Variants in FRMPD4 observed in about 807,000 individuals in gnomAD.
The protein encoded by FRMPD4 is FERM and PDZ domain-containing protein 4.
In FRMPD4, 22 loss-of-function variants were observed where a neutral mutation model predicts 94.1. That is an observed-to-expected ratio of 0.23 (90% CI 0.17 to 0.33). The LOEUF (loss-of-function observed/expected upper bound fraction) is 0.33. FRMPD4 is among the 10% of genes least tolerant of loss of function. The pLI is 1.00. For synonymous variants in FRMPD4, 631 were observed against 548.6 expected, an observed-to-expected ratio of 1.15 and a Z score of -2.10; for missense variants, 1,111 against 1,339.9, an observed-to-expected ratio of 0.83 and a Z score of 2.67.
At chrX:12,188,450 T>C (rs1437036168) in intron 1 of FRMPD4, among the ~76,000 whole-genome samples, 1 of 111,882 alleles carries the variant, frequency 8.9e-6, no homozygotes, top group Non-Finnish European at 1.9e-5. Context: ...GTCATTGCTA[T>C]TGTTGTTATT....
At chrX:12,139,096 G>A in intron 1 of FRMPD4, 84 bp downstream of exon 1, 2 of 812,276 alleles carry the variant, frequency 2.5e-6, no homozygotes, top group Non-Finnish European at 1.7e-6. Flanking sequence ...GCTGGGTAGA[G>A]GCAAAAGCTG....
chrX:12,490,942 A>G, intron 1 of FRMPD4, among the ~76,000 whole-genome samples: 1 of 111,330 alleles, frequency 9.0e-6, no homozygotes. Flanking sequence ...TGGTTGTGCC[A>G]TGTTTTATAC....
At chrX:12,362,541 T>G (rs889115349) in intron 1 of FRMPD4, among the ~76,000 whole-genome samples, 2 of 111,811 alleles carry the variant, frequency 1.8e-5, no homozygotes, top group Non-Finnish European at 3.8e-5. Flanking sequence ...GAACTCATCA[T>G]TTTTTATGGC....
chrX:12,654,508 T>A (rs2059631988), intron 4 of FRMPD4, among the ~76,000 whole-genome samples: 2 of 112,013 alleles, frequency 1.8e-5, no homozygotes. Flanking sequence ...ATATGTATAT[T>A]CATTCTCCTA....
intron 2 of FRMPD4, among the ~76,000 whole-genome samples, chrX:12,606,492 A>G (rs890192794): frequency 3.0e-4 from 33 of 111,701 alleles, no homozygotes; most frequent in African/African-American, 1.0e-3. Context: ...GAGTGATTCT[A>G]ATGTGCAGCA....
intron 1 of FRMPD4, among the ~76,000 whole-genome samples, chrX:12,266,402 A>T (rs2054277712): frequency 9.0e-6 from 1 of 111,184 alleles, no homozygotes; most frequent in African/African-American, 3.3e-5. Flanking sequence ...TATGATTCTT[A>T]TCCTTCTGCT....
chrX:11,945,551 T>C lies in FRMPD4; in HGVS notation c.95+67533T>C, dbSNP rs2054184230. Among the ~76,000 whole-genome samples the C allele has an allele frequency of 4.5e-5, 5 of 111,840 alleles. No individual in the cohort carries two copies. In the Admixed American group the frequency reaches 4.7e-4, roughly 11 times the overall value. On this transcript the variant is annotated intron_variant, in intron 3 of 18. Coordinates refer to the FRMPD4 transcript ENST00000640291. ...TAATTTATAAAGAAAAGAGGTTTATTTGGCTCACAGTTTTGCAGGTTATAC... is the reference window on the plus strand; with the variant it reads ...TAATTTATAAAGAAAAGAGGTTTATCTGGCTCACAGTTTTGCAGGTTATAC...
Position 12,317,600 on chromosome X carries a change from AAAACAAAAAAAAC to A in FRMPD4, c.41+178592_41+178604del, listed in dbSNP as rs1403369785. Reference sequence around the variant, plus strand: ...AACTAAATAGCAAAAAAAAAAAAAAAAAACAAAAAAAACAAAAACCCAAGTAATCTGATTAAAA... The same window carrying A: ...AACTAAATAGCAAAAAAAAAAAAAAAAAAAACCCAAGTAATCTGATTAAAA... On this transcript the variant is annotated intron_variant, in intron 1 of 16. Coordinates refer to ENST00000675598, the MANE Select transcript of FRMPD4 (RefSeq NM_001368397.1). Among the ~76,000 whole-genome samples the A allele has an allele frequency of 5.7e-5, 6 of 105,471 alleles. 1 individual carries two copies. Among genetic ancestry groups the A allele is most frequent in the African/African-American group, 1.9e-4 (5 of 26,865 alleles). The allele number at this position is 105,471 out of a possible 115,157, so 91.6% of individuals were successfully genotyped here. A position where few individuals can be genotyped will look rare whatever the true frequency, so the allele number is the denominator to read the frequency against.
At chrX:12,659,529 G>A (rs185526628) in intron 4 of FRMPD4, among the ~76,000 whole-genome samples, 218 of 112,292 alleles carry the variant, frequency 1.9e-3, no homozygotes, top group African/African-American at 6.5e-3. Context: ...CAGCAACTAT[G>A]GGTTCTACCC....
At chrX:12,079,571 T>C (rs771400095) in intron 3 of FRMPD4, among the ~76,000 whole-genome samples, 65 of 112,078 alleles carry the variant, frequency 5.8e-4, no homozygotes, top group Non-Finnish European at 1.1e-3. Context: ...CTCAGACACA[T>C]GTTTGGCAAT....
At chrX:12,716,001 T>TGGGGCCCCCCCCCCCCCC in intron 14 of FRMPD4, 68 bp from the exon 15 acceptor site, 3 of 231,642 alleles carry the variant, frequency 1.3e-5, no homozygotes, top group Admixed American at 5.0e-5. Context: ...GAGACGAGCC[T>TGGGGCCCCCCCCCCCCCC]CCCACCCCCG....
chrX:11,919,928 C>T (rs10465384), intron 3 of FRMPD4, among the ~76,000 whole-genome samples: 5,438 of 111,998 alleles, frequency 0.049, 137 homozygotes, highest in East Asian at 0.14. Flanking sequence ...GATAACATGG[C>T]AATGAAGATT....
rs765330421 is a variant in FRMPD4 at position 12,271,324 on chromosome X, AAC to A, written c.41+132318_41+132319del. Among the ~76,000 whole-genome samples, 8 of 112,345 alleles carry A rather than the reference AAC, an allele frequency of 7.1e-5. No individual in the cohort carries two copies. In the South Asian group the frequency reaches 3.0e-3, roughly 42 times the overall value. On this transcript the variant is annotated intron_variant, in intron 1 of 16. Coordinates refer to ENST00000675598, the MANE Select transcript of FRMPD4 (RefSeq NM_001368397.1). ...CCCAGATCAGGAACAGAATATGACT[AAC>A]ACACAGAGATATCTTCCCCACCCCA...
At chrX:12,495,987 T>C (rs1424554921) in intron 1 of FRMPD4, among the ~76,000 whole-genome samples, 2 of 111,251 alleles carry the variant, frequency 1.8e-5, no homozygotes, top group African/African-American at 6.5e-5. Flanking sequence ...ATAAATTCCA[T>C]AGGGATCTCA....
intron 1 of FRMPD4, among the ~76,000 whole-genome samples, chrX:12,146,301 T>G (rs6639151): frequency 0.094 from 10,331 of 110,009 alleles, 1,020 homozygotes; most frequent in East Asian, 0.63. Context: ...GAGGCGAAGC[T>G]TGCAGTGAGC....
At chrX:12,538,348 GCCC>G (rs2058364370) in intron 2 of FRMPD4, among the ~76,000 whole-genome samples, 1 of 22,629 alleles carries the variant, frequency 4.4e-5, no homozygotes, top group Non-Finnish European at 1.7e-4. Context: ...AATGGGTGGA[GCCC>G]ACCACGGCTC....
At chrX:12,136,505 A>G (rs1175544743), upstream of FRMPD4, among the ~76,000 whole-genome samples, 3 of 111,247 alleles carry the variant, frequency 2.7e-5, no homozygotes, top group African/African-American at 6.6e-5. Flanking sequence ...TGGAAGTGGT[A>G]TTGGTGCATA....
At chrX:12,551,948 T>C (rs1384378070) in intron 2 of FRMPD4, among the ~76,000 whole-genome samples, 1 of 111,964 alleles carries the variant, frequency 8.9e-6, no homozygotes, top group Non-Finnish European at 1.9e-5. Flanking sequence ...CTTTGTTACA[T>C]TGACTACAGT....
intron 3 of FRMPD4, among the ~76,000 whole-genome samples, chrX:11,905,989 T>C (rs1169402636): frequency 9.0e-6 from 1 of 110,819 alleles, no homozygotes; most frequent in African/African-American, 3.3e-5. Flanking sequence ...ATATGAAACA[T>C]TTACATCACT....
Sources: allele counts gnomAD v4.1 joint callset (sites outside exome capture counted in the v4.1 genomes callset), GRCh38; gene constraint gnomAD v4.1.1; transcripts MANE v1.5; gene names NCBI Gene and HGNC (gene_info 2026-07-23, HGNC 2026-07-21).